The following FOXL2 variants were observed in gnomAD, a reference collection of about 807,000 sequenced individuals.
The protein encoded by FOXL2 is forkhead box protein L2.
FOXL2 carries 3 observed loss-of-function variants against 2.5 expected under a neutral mutation model. That is an observed-to-expected ratio of 1.20 (90% CI 0.55 to 3.11). FOXL2 has a LOEUF of 3.11. Among genes scored for constraint, FOXL2 ranks in the 30% most tolerant of loss-of-function variants. The probability of loss-of-function intolerance (pLI) is 0.03; values close to 1 mark genes in which losing one functional copy is unlikely to be tolerated. For missense variants in FOXL2, 512 were observed against 570.0 expected (o/e 0.90, Z 1.04); for synonymous variants, 315 against 269.4 (o/e 1.17, Z -1.66).
rs1372127332 is a variant in FOXL2, at chr3:138,945,467, T to C, written c.*125A>G. ...AAAAGCACAGAGGGACCCTGGGCGC[T>C]GGCTCCAGAGGCGGGCCCAGAGGGT... On this transcript the variant is annotated 3_prime_UTR_variant, in exon 1 of 1. Transcript: ENST00000648323. 2.7e-6 allele frequency: 4 copies of C among 1,480,492 alleles called. No homozygotes were observed. The highest frequency in any genetic ancestry group is 3.6e-6 in the Non-Finnish European group (4 of 1,104,030). The allele number at this position is 1,480,492 out of a possible 1,614,324, so 91.7% of individuals were successfully genotyped here. A position where few individuals can be genotyped will look rare whatever the true frequency, so the allele number is the denominator to read the frequency against.
Position 138,944,467 on chromosome 3 carries a change from A to G in FOXL2, c.*1125T>C, listed in dbSNP as rs919836445. On this transcript the variant is annotated 3_prime_UTR_variant, in exon 1 of 1. Coordinates refer to ENST00000648323, the MANE Select transcript of FOXL2 (RefSeq NM_023067.4). ...CAAGGTGGGAGAAGCAGGAGGTTTG[A>G]AAAACAAAAAGCAGGGAGGACGAGC... 1 of 232,856 alleles carries G rather than the reference A, an allele frequency of 4.3e-6. No individual in the cohort carries two copies. The highest frequency in any genetic ancestry group is 2.2e-5 in the African/African-American group (1 of 45,314). 14.4% of individuals were successfully genotyped at this position (232,856 alleles called of 1,614,324 possible). A position where few individuals can be genotyped will look rare whatever the true frequency, so the allele number is the denominator to read the frequency against.
Position 138,945,413 on chromosome 3 carries a change from A to C in FOXL2, c.*179T>G, listed in dbSNP as rs1041631517. ...AGGAGGACATAAACTGAGGGGACAA[A>C]GAGGAGCGACAGGAGCTTAGGAAAG... On this transcript the variant is annotated 3_prime_UTR_variant, in exon 1 of 1. Coordinates refer to ENST00000648323, the MANE Select transcript of FOXL2 (RefSeq NM_023067.4). The C allele has an allele frequency of 3.6e-6, 4 of 1,099,800 alleles. No homozygotes were observed. In the African/African-American group the frequency reaches 6.3e-5, roughly 17 times the overall value. The allele number at this position is 1,099,800 out of a possible 1,614,324, so 68.1% of individuals were successfully genotyped here. A position where few individuals can be genotyped will look rare whatever the true frequency, so the allele number is the denominator to read the frequency against.
In FOXL2 at chr3:138,945,767, G is replaced by C. The variant is rs1429405206; in HGVS notation, c.956C>G (p.Pro319Arg). 1 of 1,170,290 alleles carries C rather than the reference G, an allele frequency of 8.5e-7. No homozygotes were observed. The highest frequency in any genetic ancestry group is 4.7e-5 in the Admixed American group (1 of 21,324). The allele number at this position is 1,170,290 out of a possible 1,614,324, so 72.5% of individuals were successfully genotyped here. The change falls in exon 1 of 1, where the codon CCG becomes CGG. Residue 319 changes from proline (P) to arginine (R), a missense_variant. By Grantham distance (103) the Pro-to-Arg change is moderately radical. This residue lies in a region of FOXL2 where 287 missense variants were observed against 277.4 expected (regional missense o/e 1.03). Transcript: ENST00000648323. ...PPHHGAAAPP[P>R]GQLSPASPAT... ...TGGGCTGGCAGGGCTGAGCTGGCCC[G>C]GCGGCGGCGCGGCGGCCCCGTGGTG...
chr3:138,945,924 G>A lies in FOXL2; in HGVS notation c.799C>T (p.Pro267Ser), dbSNP rs753641620. 2.2e-6 allele frequency: 3 copies of A among 1,347,272 alleles called. No homozygotes were observed. Among genetic ancestry groups the A allele is most frequent in the South Asian group, 2.3e-5 (1 of 44,038 alleles). The allele number at this position is 1,347,272 out of a possible 1,614,324, so 83.5% of individuals were successfully genotyped here. A position where few individuals can be genotyped will look rare whatever the true frequency, so the allele number is the denominator to read the frequency against. Residue 267 changes from proline (P) to serine (S), a missense_variant, in exon 1 of 1, where the codon CCC becomes TCC. Around this residue, in one of 5 missense-constraint regions of FOXL2, gnomAD observed 287 missense variants for 277.4 expected, o/e 1.03. Transcript: ENST00000648323. Reference sequence around the variant, plus strand: ...TTGTACGAGTTCACTACGCCGGGGGGCAGCGCCATGCTCTGCACGCGTGTG... The same window carrying A: ...TTGTACGAGTTCACTACGCCGGGGGACAGCGCCATGCTCTGCACGCGTGTG... Reference protein sequence around the residue: ...PYTRVQSMALPPGVVNSYNGL... With the variant: ...PYTRVQSMALSPGVVNSYNGL...
Position 138,946,549 on chromosome 3 carries a change from C to G in FOXL2, c.174G>C (p.Ser58=), listed in dbSNP as rs747633105. ...TCGCCATGGCGATGAGCGCCACGTA[C>G]GAGTACGGGGGCTTCTGCGCCGGGT... is the stretch of plus-strand genomic sequence containing the variant. ...KPDPAQKPPY[S]YVALIAMAIR... The change falls in exon 1 of 1, where the codon TCG becomes TCC. Residue 58 remains serine (S), a synonymous_variant. Transcript: ENST00000648323. The G allele has an allele frequency of 6.2e-6, 10 of 1,612,384 alleles. No homozygotes were observed. Among genetic ancestry groups the G allele is most frequent in the Non-Finnish European group, 7.6e-6 (9 of 1,179,980 alleles).
chr3:138,945,942 C>G lies in FOXL2; in HGVS notation c.781G>C (p.Val261Leu). Residue 261 changes from valine (V) to leucine (L), a missense_variant, in exon 1 of 1, where the codon GTG becomes CTG. Transcript: ENST00000648323. ...CCGGGGGGCAGCGCCATGCTCTGCA[C>G]GCGTGTGTACGGCCCGTACGAGGCG... ...PAASYGPYTR[V>L]QSMALPPGVV... 1 of 1,393,506 alleles carries G rather than the reference C, an allele frequency of 7.2e-7. No homozygotes were observed. Among genetic ancestry groups the G allele is most frequent in the Non-Finnish European group, 9.2e-7 (1 of 1,084,470 alleles). The allele number at this position is 1,393,506 out of a possible 1,614,324, so 86.3% of individuals were successfully genotyped here. A position where few individuals can be genotyped will look rare whatever the true frequency, so the allele number is the denominator to read the frequency against.
chr3:138,945,969 C>T lies in FOXL2; in HGVS notation c.754G>A (p.Ala252Thr), dbSNP rs1471806544. The T allele has an allele frequency of 7.1e-7, 1 of 1,399,916 alleles. No individual in the cohort carries two copies. Among genetic ancestry groups the T allele is most frequent in the Admixed American group, 3.3e-5 (1 of 30,398 alleles). 86.7% of individuals were successfully genotyped at this position (1,399,916 alleles called of 1,614,324 possible). A position where few individuals can be genotyped will look rare whatever the true frequency, so the allele number is the denominator to read the frequency against. ...CGTGTGTACGGCCCGTACGAGGCGG[C>T]CGGGCCCGCCAGCCCCTTGACCACA... ...AAVVKGLAGPAASYGPYTRVQ... is the reference protein window; with the variant it reads ...AAVVKGLAGPTASYGPYTRVQ... The change falls in exon 1 of 1, where the codon GCC (alanine) becomes ACC (threonine). Residue 252 changes from alanine to threonine, a missense_variant. Physicochemically the swap from Ala to Thr is moderately conservative, Grantham distance 58 (BLOSUM62 0). Around this residue, in one of 5 missense-constraint regions of FOXL2, gnomAD observed 287 missense variants for 277.4 expected, o/e 1.03. Transcript: ENST00000648323.
chr3:138,946,601 C>T lies in FOXL2; in HGVS notation c.122G>A (p.Gly41Asp), dbSNP rs1935979529. 8 of 1,604,884 alleles carry T rather than the reference C, an allele frequency of 5.0e-6. No homozygotes were observed. In the East Asian group the frequency reaches 1.8e-4, roughly 36 times the overall value. Residue 41 changes from glycine (G) to aspartate (D), a missense_variant, in exon 1 of 1, where the codon GGC becomes GAC. Gly to Asp is a moderately conservative substitution (Grantham distance 94, BLOSUM62 -1). Transcript: ENST00000648323. ...PPSPGKGGGG[G>D]GGTAPEKPDP... Reference sequence around the variant, plus strand: ...CGGCTTCTCCGGGGCTGTCCCGCCGCCACCCCCACCGCCCTTGCCTGGGCT... The same window carrying T: ...CGGCTTCTCCGGGGCTGTCCCGCCGTCACCCCCACCGCCCTTGCCTGGGCT...
rs1405999816 is a variant in FOXL2, at chr3:138,946,988, C to G, written c.-266G>C. 1 of 560,038 alleles carries G rather than the reference C, an allele frequency of 1.8e-6. No individual in the cohort carries two copies. The allele number at this position is 560,038 out of a possible 1,614,324, so 34.7% of individuals were successfully genotyped here. A position where few individuals can be genotyped will look rare whatever the true frequency, so the allele number is the denominator to read the frequency against. ...GAGAGGGGCTCCGGCCTCGCCGCCCCTCCCCGCTCAGGCCAGTCCCCGCCT... is the reference window on the plus strand; with the variant it reads ...GAGAGGGGCTCCGGCCTCGCCGCCCGTCCCCGCTCAGGCCAGTCCCCGCCT... On this transcript the variant is annotated 5_prime_UTR_variant, in exon 1 of 1. Transcript: ENST00000648323.
chr3:138,945,655 C>G lies in FOXL2; in HGVS notation c.1068G>C (p.Met356Ile), dbSNP rs1284314533. Residue 356 changes from methionine (M) to isoleucine (I), a missense_variant, in exon 1 of 1, where the codon ATG (methionine) becomes ATC (isoleucine). Transcript: ENST00000648323. The part of the protein sequence containing the change: ...ACARQPELAM[M>I]HCSYWDHDSK... The stretch of plus-strand genomic sequence containing the variant: ...TGTCGTGGTCCCAGTAAGAGCAATG[C>G]ATCATGGCGAGCTCGGGCTGCCGGG... 6.3e-7 allele frequency: 1 copy of G among 1,597,176 alleles called. No individual in the cohort carries two copies. The highest frequency in any genetic ancestry group is 2.3e-5 in the East Asian group (1 of 44,408).
In FOXL2 at chr3:138,946,925, T is replaced by A; in HGVS notation, c.-203A>T. 1 of 767,008 alleles carries A rather than the reference T, an allele frequency of 1.3e-6. No homozygotes were observed. The highest frequency in any genetic ancestry group is 2.1e-6 in the Non-Finnish European group (1 of 485,814). 47.5% of individuals were successfully genotyped at this position (767,008 alleles called of 1,614,324 possible). On this transcript the variant is annotated 5_prime_UTR_variant, in exon 1 of 1. Coordinates refer to ENST00000648323, the MANE Select transcript of FOXL2 (RefSeq NM_023067.4). ...TCCCCTAGGGAGCGGCCGGCGGGAG[T>A]GGAGCTCAGCCTCTGGCCATGGGGA...
rs1319887975 is a variant in FOXL2, at chr3:138,947,075, C to T, written c.-353G>A. ...CGCCCCCCGGTTTCCCGAAGCACGA[C>T]CCGCGTCTCTGGCGGAGCTGCCTCC... On this transcript the variant is annotated 5_prime_UTR_variant, in exon 1 of 1. Coordinates refer to ENST00000648323, the MANE Select transcript of FOXL2 (RefSeq NM_023067.4). The surrounding 1 kb of genome is among the most constrained non-coding windows in gnomAD (Gnocchi z 5.2). The T allele has an allele frequency of 8.0e-6, 3 of 376,088 alleles. No individual in the cohort carries two copies. Among genetic ancestry groups the T allele is most frequent in the East Asian group, 5.1e-5 (1 of 19,500 alleles). 23.3% of individuals were successfully genotyped at this position (376,088 alleles called of 1,614,324 possible). A position where few individuals can be genotyped will look rare whatever the true frequency, so the allele number is the denominator to read the frequency against.
rs1576470572 is a variant in FOXL2, at chr3:138,946,846, C to A, written c.-124G>T. On this transcript the variant is annotated 5_prime_UTR_variant, in exon 1 of 1. Coordinates refer to ENST00000648323, the MANE Select transcript of FOXL2 (RefSeq NM_023067.4). ...CTCAAACTTCTGGAGACTGCGGATG[C>A]CGCCCGCGCTTGCTTGCTGGAGGCC... is the stretch of plus-strand genomic sequence containing the variant. 2.2e-6 allele frequency: 3 copies of A among 1,390,866 alleles called. No individual in the cohort carries two copies. The East Asian group carries it at 7.8e-5, about 36-fold the overall frequency. The allele number at this position is 1,390,866 out of a possible 1,614,324, so 86.2% of individuals were successfully genotyped here.
chr3:138,946,069 G>A lies in FOXL2; in HGVS notation c.654C>T (p.Cys218=), dbSNP rs545210276. 4.7e-5 allele frequency: 66 copies of A among 1,418,526 alleles called. 1 individual carries two copies. The highest frequency in any genetic ancestry group is 4.5e-4 in the South Asian group (31 of 68,212). The allele number at this position is 1,418,526 out of a possible 1,614,324, so 87.9% of individuals were successfully genotyped here. A position where few individuals can be genotyped will look rare whatever the true frequency, so the allele number is the denominator to read the frequency against. The change falls in exon 1 of 1, where the codon TGC becomes TGT. Residue 218 remains cysteine, a synonymous_variant. Coordinates refer to ENST00000648323, the MANE Select transcript of FOXL2 (RefSeq NM_023067.4). ...CAGCCGCTGCGGCTGCCGCCATCTG[G>A]CAGGAGGCATAGGGCATGGGTGAGG... is the stretch of plus-strand genomic sequence containing the variant. ...QPPSPMPYAS[C]QMAAAAAAAA...
In FOXL2 at chr3:138,945,243, G is replaced by GTGTA; in HGVS notation, c.*348_*349insTACA. 4.1e-6 allele frequency: 1 copy of GTGTA among 244,692 alleles called. No homozygotes were observed. Among genetic ancestry groups the GTGTA allele is most frequent in the Admixed American group, 5.4e-5 (1 of 18,516 alleles). 15.2% of individuals were successfully genotyped at this position (244,692 alleles called of 1,614,324 possible). A position where few individuals can be genotyped will look rare whatever the true frequency, so the allele number is the denominator to read the frequency against. ...AGGTCTGCGCTGCCGACGCCCGGTC[G>GTGTA]CACCTCCGCCCCGGGCCCTTTCCGC... On this transcript the variant is annotated 3_prime_UTR_variant, in exon 1 of 1. Coordinates refer to ENST00000648323, the MANE Select transcript of FOXL2 (RefSeq NM_023067.4).
Position 138,945,773 on chromosome 3 carries a change from G to T in FOXL2, c.950C>A (p.Pro317Gln). The change falls in exon 1 of 1, where the codon CCG becomes CAG. Residue 317 changes from proline (P) to glutamine (Q), a missense_variant. Pro to Gln is a moderately conservative substitution (Grantham distance 76). Coordinates refer to ENST00000648323, the MANE Select transcript of FOXL2 (RefSeq NM_023067.4). ...PAPPHHGAAAPPPGQLSPASP... is the reference protein window; with the variant it reads ...PAPPHHGAAAQPPGQLSPASP... Reference sequence around the variant, plus strand: ...GGCAGGGCTGAGCTGGCCCGGCGGCGGCGCGGCGGCCCCGTGGTGCGGTGG... The same window carrying T: ...GGCAGGGCTGAGCTGGCCCGGCGGCTGCGCGGCGGCCCCGTGGTGCGGTGG... The T allele has an allele frequency of 8.6e-7, 1 of 1,165,938 alleles. No individual in the cohort carries two copies. The highest frequency in any genetic ancestry group is 1.1e-6 in the Non-Finnish European group (1 of 944,818). 72.2% of individuals were successfully genotyped at this position (1,165,938 alleles called of 1,614,324 possible).
Position 138,947,085 on chromosome 3 carries a change from T to A in FOXL2, c.-363A>T. 3.3e-6 allele frequency: 1 copy of A among 302,698 alleles called. No individual in the cohort carries two copies. The highest frequency in any genetic ancestry group is 5.9e-6 in the Non-Finnish European group (1 of 169,050). 18.8% of individuals were successfully genotyped at this position (302,698 alleles called of 1,614,324 possible). ...TTTCCCGAAGCACGACCCGCGTCTC[T>A]GGCGGAGCTGCCTCCTGGAGTCCCT... On this transcript the variant is annotated 5_prime_UTR_variant, in exon 1 of 1. Coordinates refer to ENST00000648323, the MANE Select transcript of FOXL2 (RefSeq NM_023067.4). The surrounding 1 kb of genome is among the most constrained non-coding windows in gnomAD (Gnocchi z 5.2).
Position 138,946,669 on chromosome 3 carries a change from T to A in FOXL2, c.54A>T (p.Pro18=), listed in dbSNP as rs772110470. The A allele has an allele frequency of 6.4e-7, 1 of 1,570,852 alleles. No homozygotes were observed. The highest frequency in any genetic ancestry group is 1.2e-5 in the South Asian group (1 of 86,920). Residue 18 remains proline (P), a synonymous_variant, in exon 1 of 1, where the codon CCA becomes CCT. Transcript: ENST00000648323. ...GCTCCTTGACTGTGCGACCGGTCTC[T>A]GGGGCCAGCAGGGCCCCCGCCGCGT... The part of the protein sequence containing the change: ...PEDAAGALLA[P]ETGRTVKEPE...
rs1327471901 is a variant in FOXL2, at chr3:138,947,004, G to A, written c.-282C>T. 1.8e-6 allele frequency: 1 copy of A among 551,768 alleles called. No homozygotes were observed. The highest frequency in any genetic ancestry group is 3.2e-6 in the Non-Finnish European group (1 of 312,602). The allele number at this position is 551,768 out of a possible 1,614,324, so 34.2% of individuals were successfully genotyped here. ...TCGCCGCCCCTCCCCGCTCAGGCCA[G>A]TCCCCGCCTTGGTGGGTTTTCTTTT... On this transcript the variant is annotated 5_prime_UTR_variant, in exon 1 of 1. Coordinates refer to ENST00000648323, the MANE Select transcript of FOXL2 (RefSeq NM_023067.4). This position sits in a 1 kb window ranked among gnomAD's most constrained non-coding sequence, Gnocchi z 5.2.
Sources: allele counts gnomAD v4.1 joint callset, GRCh38; gene constraint gnomAD v4.1.1; regional missense constraint gnomAD v4.1.1; non-coding constraint Gnocchi (gnomAD v3.1); transcripts MANE v1.5; gene names NCBI Gene and HGNC (gene_info 2026-07-23, HGNC 2026-07-21).